Variants in CUL5 observed in about 807,000 individuals in gnomAD.
CUL5 encodes the protein cullin 5.
Under a neutral mutation model 108.8 loss-of-function variants are expected in CUL5, and 26 were observed. The ratio of observed to expected loss-of-function variants is 0.24; its 90% CI spans 0.18 to 0.33. The LOEUF (loss-of-function observed/expected upper bound fraction) is 0.33, where lower values mean the gene tolerates loss of function less well. CUL5 is among the 10% of genes least tolerant of loss of function. The probability of loss-of-function intolerance (pLI) is 1.00; values close to 1 mark genes in which losing one functional copy is unlikely to be tolerated. For missense variants in CUL5, 524 were observed against 909.2 expected (o/e 0.58, Z 5.45); for synonymous variants, 334 against 298.0 (o/e 1.12, Z -1.25).
chr11:108,023,900 T>G (rs1254065609), intron 1 of CUL5, among the ~76,000 whole-genome samples: 1 of 152,130 alleles, frequency 6.6e-6, no homozygotes, highest in East Asian at 1.9e-4. Flanking sequence ...GAAAGAGATA[T>G]TTAACTTCTT....
At chr11:108,032,204 C>T (rs10890799) in intron 1 of CUL5, among the ~76,000 whole-genome samples, 146,624 of 152,248 alleles carry the variant, frequency 0.96, 70,860 homozygotes, top group East Asian at 1. Context: ...TTGAAATTTA[C>T]TGGCCAAAAC....
intron 1 of CUL5, among the ~76,000 whole-genome samples, chr11:108,021,990 A>G (rs999454141): frequency 2.0e-5 from 3 of 151,898 alleles, no homozygotes; most frequent in East Asian, 3.9e-4. Context: ...ATCTATCTGT[A>G]TCTATCTACC....
chr11:108,070,484 T>C (rs1025629080), intron 8 of CUL5, among the ~76,000 whole-genome samples: 1 of 152,166 alleles, frequency 6.6e-6, no homozygotes, highest in Non-Finnish European at 1.5e-5. Context: ...CAGTTTAAAC[T>C]GGAAACATAT....
intron 3 of CUL5, among the ~76,000 whole-genome samples, chr11:108,048,137 G>C (rs1479632920): frequency 6.8e-6 from 1 of 146,804 alleles, no homozygotes; most frequent in Admixed American, 6.7e-5. Context: ...TTTTTTTCAT[G>C]AATCATTTTA....
At chr11:108,064,133 C>T (rs1322243735) in intron 7 of CUL5, among the ~76,000 whole-genome samples, 1 of 152,116 alleles carries the variant, frequency 6.6e-6, no homozygotes, top group Non-Finnish European at 1.5e-5. Context: ...TTTAGTTTTT[C>T]TCCATTCAGT....
At chr11:108,099,087 C>T (rs1864575819) in intron 18 of CUL5, among the ~76,000 whole-genome samples, 1 of 150,912 alleles carries the variant, frequency 6.6e-6, no homozygotes, top group South Asian at 2.1e-4. Flanking sequence ...TCACTGCAGC[C>T]TCAACTCCCT....
intron 7 of CUL5, among the ~76,000 whole-genome samples, chr11:108,069,488 C>T (rs1323537572): frequency 6.6e-6 from 1 of 152,108 alleles, no homozygotes; most frequent in African/African-American, 2.4e-5. Flanking sequence ...CATTTAGATA[C>T]CAACTTGTGG....
intron 1 of CUL5, among the ~76,000 whole-genome samples, chr11:108,009,796 C>G (rs531226977): frequency 1.3e-5 from 2 of 152,298 alleles, no homozygotes; most frequent in South Asian, 4.1e-4. Flanking sequence ...CTCGACCCCC[C>G]ACTTCTTCCA....
chr11:108,021,870 A>G (rs1862334672), intron 1 of CUL5, among the ~76,000 whole-genome samples: 1 of 152,102 alleles, frequency 6.6e-6, no homozygotes, highest in Non-Finnish European at 1.5e-5. Flanking sequence ...GCTGGAATGC[A>G]GTGGCATGAT....
At chr11:108,031,711 C>T (rs917741898) in intron 1 of CUL5, among the ~76,000 whole-genome samples, 1 of 152,160 alleles carries the variant, frequency 6.6e-6, no homozygotes, top group African/African-American at 2.4e-5. Flanking sequence ...TATAAAGACA[C>T]ATGCACACAT....
At chr11:108,038,148 A>G (rs1484473107) in intron 2 of CUL5, among the ~76,000 whole-genome samples, 2 of 152,294 alleles carry the variant, frequency 1.3e-5, no homozygotes, top group South Asian at 2.1e-4. Flanking sequence ...TCATGTATAC[A>G]TATATTTTTT....
intron 7 of CUL5, among the ~76,000 whole-genome samples, chr11:108,059,543 T>C (rs1863481645): frequency 6.6e-6 from 1 of 152,136 alleles, no homozygotes; most frequent in Non-Finnish European, 1.5e-5. Flanking sequence ...GTCTGCGTTT[T>C]GGCAAGTTAT....
intron 11 of CUL5, among the ~76,000 whole-genome samples, chr11:108,081,620 C>T (rs565675400): frequency 2.9e-4 from 44 of 151,856 alleles, no homozygotes; most frequent in Non-Finnish European, 5.3e-4. Context: ...GGCGTGGTGG[C>T]GGGCACCTGT....
chr11:108,087,175 C>A (rs1252443238), intron 11 of CUL5, among the ~76,000 whole-genome samples: 2 of 152,000 alleles, frequency 1.3e-5, no homozygotes, highest in Non-Finnish European at 2.9e-5. Context: ...CTTCTCAGGG[C>A]AAAGACATAC....
chr11:108,080,655 A>G (rs2135205605), intron 11 of CUL5, among the ~76,000 whole-genome samples: 1 of 152,164 alleles, frequency 6.6e-6, no homozygotes, highest in East Asian at 1.9e-4. Context: ...CGGCATCCCA[A>G]AGTGCTGGGA....
chr11:108,080,953 ATTATTTAT>A (rs140725296), intron 11 of CUL5, among the ~76,000 whole-genome samples: 32,559 of 148,666 alleles, frequency 0.22, 3,829 homozygotes, highest in East Asian at 0.48. Flanking sequence ...AAGATTTATC[ATTATTTAT>A]TTATTTATTT....
intron 8 of CUL5, among the ~76,000 whole-genome samples, chr11:108,071,022 G>A (rs994745452): frequency 1.3e-5 from 2 of 152,168 alleles, no homozygotes; most frequent in African/African-American, 4.8e-5. Flanking sequence ...AATCAGTACC[G>A]TGAGGTAGGG....
chr11:108,060,183 G>A (rs1460454774), intron 7 of CUL5, among the ~76,000 whole-genome samples: 1 of 151,990 alleles, frequency 6.6e-6, no homozygotes, highest in African/African-American at 2.4e-5. Context: ...CACAGAGGAG[G>A]TCTAAAATTA....
chr11:108,039,651 C>T (rs1591289981), intron 2 of CUL5, among the ~76,000 whole-genome samples: 1 of 152,314 alleles, frequency 6.6e-6, no homozygotes. Flanking sequence ...CTCTCCTCAG[C>T]TCCATTTTAG....
Sources: allele counts gnomAD v4.1 joint callset (sites outside exome capture counted in the v4.1 genomes callset), GRCh38; gene constraint gnomAD v4.1.1; transcripts MANE v1.5; gene names NCBI Gene and HGNC (gene_info 2026-07-23, HGNC 2026-07-21).